The following EDIL3 variants were observed in gnomAD, a reference collection of about 807,000 sequenced individuals.
EDIL3 encodes the protein EGF-like repeat and discoidin I-like domain-containing protein 3.
In EDIL3, 37 loss-of-function variants were observed where a neutral mutation model predicts 67.4. The observed-to-expected ratio is 0.55, with a 90% CI of 0.42 to 0.72. The LOEUF is 0.72. EDIL3 is among the 30% of genes least tolerant of loss of function. The probability of loss-of-function intolerance (pLI) is 0.00; values close to 1 mark genes in which losing one functional copy is unlikely to be tolerated. For synonymous variants in EDIL3, 195 were observed against 196.3 expected, an observed-to-expected ratio of 0.99 and a Z score of 0.05; for missense variants, 527 against 586.3, an observed-to-expected ratio of 0.90 and a Z score of 1.04.
At chr5:84,197,940 C>G (rs1394249012) in intron 3 of EDIL3, among the ~76,000 whole-genome samples, 1 of 151,930 alleles carries the variant, frequency 6.6e-6, no homozygotes, top group Non-Finnish European at 1.5e-5. Flanking sequence ...GATGGAATTA[C>G]TGGGGATAGA....
intron 2 of EDIL3, among the ~76,000 whole-genome samples, chr5:84,231,366 G>C (rs1190015513): frequency 6.6e-6 from 1 of 152,184 alleles, no homozygotes; most frequent in African/African-American, 2.4e-5. Flanking sequence ...AAGTATTTCT[G>C]CTCTGTACAG....
At chr5:84,226,497 C>A (rs1744455047) in intron 3 of EDIL3, among the ~76,000 whole-genome samples, 1 of 151,708 alleles carries the variant, frequency 6.6e-6, no homozygotes, top group Non-Finnish European at 1.5e-5. Flanking sequence ...ATCCAATTTT[C>A]ATAATTATTC....
intron 1 of EDIL3, among the ~76,000 whole-genome samples, chr5:84,344,870 A>G (rs1298002791): frequency 6.6e-6 from 1 of 152,164 alleles, no homozygotes; most frequent in East Asian, 1.9e-4. Context: ...GTCAAATGGT[A>G]GAGTTCCAGA....
At chr5:84,282,039 T>C (rs1745714712) in intron 1 of EDIL3, among the ~76,000 whole-genome samples, 1 of 151,288 alleles carries the variant, frequency 6.6e-6, no homozygotes, top group South Asian at 2.1e-4. Context: ...GCTAATTTTT[T>C]TTTTTTCATT....
intron 10 of EDIL3, 88 bp from the exon 11 acceptor site, chr5:83,943,656 A>G (rs545060107): frequency 1.8e-5 from 26 of 1,472,164 alleles, no homozygotes; most frequent in Non-Finnish European, 2.3e-5. Context: ...ATTTTCCCCA[A>G]ACATGATATT....
intron 1 of EDIL3, among the ~76,000 whole-genome samples, chr5:84,307,944 C>A (rs1042111552): frequency 6.6e-6 from 1 of 152,124 alleles, no homozygotes; most frequent in African/African-American, 2.4e-5. Context: ...TCATGTAGAA[C>A]TAGATCAATG....
At chr5:83,947,369 CTGTGTGTG>C (rs34059015) in intron 10 of EDIL3, among the ~76,000 whole-genome samples, 13 of 129,534 alleles carry the variant, frequency 1.0e-4, no homozygotes, top group South Asian at 9.9e-4. Flanking sequence ...GTGTCTGTGT[CTGTGTGTG>C]TGTGTGTGTG....
At chr5:84,338,024 T>C (rs1382597419) in intron 1 of EDIL3, among the ~76,000 whole-genome samples, 1 of 152,148 alleles carries the variant, frequency 6.6e-6, no homozygotes, top group African/African-American at 2.4e-5. Context: ...TAGATAAATA[T>C]GCATAGTGAT....
chr5:83,987,532 C>T (rs2112155502), intron 9 of EDIL3, among the ~76,000 whole-genome samples: 1 of 152,214 alleles, frequency 6.6e-6, no homozygotes, highest in South Asian at 2.1e-4. Context: ...TCCTACATCA[C>T]CTTTTAGGTG....
chr5:84,258,528 G>T (rs1016791165), intron 1 of EDIL3, among the ~76,000 whole-genome samples: 1 of 152,124 alleles, frequency 6.6e-6, no homozygotes, highest in African/African-American at 2.4e-5. Context: ...GCTCAAGTAG[G>T]GTCCTGAAAG....
intron 5 of EDIL3, among the ~76,000 whole-genome samples, chr5:84,120,990 C>T (rs1274914469): frequency 6.6e-6 from 1 of 151,900 alleles, no homozygotes; most frequent in Non-Finnish European, 1.5e-5. Flanking sequence ...GTAACAGTGA[C>T]AGTAGGGAGG....
chr5:84,319,559 T>C (rs565068612), intron 1 of EDIL3, among the ~76,000 whole-genome samples: 60 of 123,926 alleles, frequency 4.8e-4, no homozygotes, highest in Non-Finnish European at 7.4e-4. Context: ...GGTGGGAGTG[T>C]AAATTAGTTC....
chr5:84,208,235 A>T (rs1330953794), intron 3 of EDIL3, among the ~76,000 whole-genome samples: 7 of 152,194 alleles, frequency 4.6e-5, no homozygotes, highest in Non-Finnish European at 8.8e-5. Context: ...AAAGTGGGCA[A>T]AGGACATGAA....
At chr5:84,347,683 A>C (rs10514265) in intron 1 of EDIL3, among the ~76,000 whole-genome samples, 18,500 of 152,234 alleles carry the variant, frequency 0.12, 1,180 homozygotes, top group South Asian at 0.22. Context: ...TCTATCTTTT[A>C]ACAACCATTA....
chr5:84,049,213 C>T (rs1746285301), intron 9 of EDIL3, among the ~76,000 whole-genome samples: 1 of 152,110 alleles, frequency 6.6e-6, no homozygotes, highest in African/African-American at 2.4e-5. Flanking sequence ...TCAACACAAC[C>T]TACAGTTTGC....
chr5:84,202,917 T>A (rs999467847), intron 3 of EDIL3, among the ~76,000 whole-genome samples: 16 of 152,106 alleles, frequency 1.1e-4, no homozygotes, highest in African/African-American at 3.9e-4. Context: ...CTACCCAGAT[T>A]TGGCAGTACT....
intron 9 of EDIL3, among the ~76,000 whole-genome samples, chr5:83,983,135 G>A (rs1744999458): frequency 1.3e-5 from 2 of 152,252 alleles, no homozygotes; most frequent in South Asian, 4.1e-4. Flanking sequence ...TCAGGTTCTA[G>A]AACCTTTGCT....
chr5:84,074,327 C>T (rs1017470837), intron 6 of EDIL3, among the ~76,000 whole-genome samples: 64 of 151,690 alleles, frequency 4.2e-4, no homozygotes, highest in Non-Finnish European at 1.5e-4. Context: ...GCAATGGCAA[C>T]AAAAGCCAAA....
At chr5:84,150,602 G>A (rs1422215879) in intron 4 of EDIL3, among the ~76,000 whole-genome samples, 3 of 152,088 alleles carry the variant, frequency 2.0e-5, no homozygotes, top group Non-Finnish European at 4.4e-5. Flanking sequence ...ACTACCCAAC[G>A]ATTACAACAG....
Sources: allele counts gnomAD v4.1 joint callset (sites outside exome capture counted in the v4.1 genomes callset), GRCh38; gene constraint gnomAD v4.1.1; transcripts MANE v1.5; gene names NCBI Gene and HGNC (gene_info 2026-07-23, HGNC 2026-07-21).